ADCY9: variants seen among roughly 807,000 people sequenced by gnomAD.
ADCY9 encodes adenylate cyclase type 9.
In ADCY9, 50 loss-of-function variants were observed where a neutral mutation model predicts 101.5. The ratio of observed to expected loss-of-function variants is 0.49; its 90% CI spans 0.39 to 0.62. ADCY9 has a LOEUF of 0.62. Ranked by LOEUF, ADCY9 falls within the 20% of genes least tolerant of loss-of-function variation. The pLI is 0.00. For synonymous variants in ADCY9, 905 were observed against 769.3 expected (o/e 1.18, Z -2.92); for missense variants, 1,662 against 1,800.4 (o/e 0.92, Z 1.39).
intron 3 of ADCY9, 95 bp from the exon 4 acceptor site, chr16:3,993,605 AGCATGGTGGTGAGCAAGGGGAAG>A (rs1272874835): frequency 6.7e-7 from 1 of 1,491,116 alleles, no homozygotes; most frequent in Non-Finnish European, 9.2e-7. Context: ...GCCGTCACGC[AGCATGGTGGTGAGCAAGGGGAAG>A]GCACACAGAA....
At chr16:4,028,415 C>A (rs1195822981) in intron 2 of ADCY9, among the ~76,000 whole-genome samples, 1 of 152,148 alleles carries the variant, frequency 6.6e-6, no homozygotes, top group Non-Finnish European at 1.5e-5. Flanking sequence ...GAATTTAACT[C>A]ACGAAAAAGG....
intron 2 of ADCY9, among the ~76,000 whole-genome samples, chr16:4,017,849 G>A (rs1313425387): frequency 6.6e-6 from 1 of 152,124 alleles, no homozygotes. Flanking sequence ...TCTCACTATT[G>A]TAGTCCAACC....
chr16:4,084,547 G>GGCC (rs1446836798), intron 2 of ADCY9, among the ~76,000 whole-genome samples: 2 of 152,022 alleles, frequency 1.3e-5, no homozygotes, highest in African/African-American at 4.8e-5. Flanking sequence ...ACAACACAGT[G>GGCC]AGACCCCATC....
chr16:3,954,472 C>T (rs993783955), intron 5 of ADCY9, among the ~76,000 whole-genome samples: 3 of 152,152 alleles, frequency 2.0e-5, no homozygotes, highest in African/African-American at 4.8e-5. Flanking sequence ...ACTCCCAGCT[C>T]GCAGCTCGGG....
intron 2 of ADCY9, among the ~76,000 whole-genome samples, chr16:4,097,024 T>C (rs945574136): frequency 4.6e-5 from 7 of 152,082 alleles, no homozygotes; most frequent in African/African-American, 1.7e-4. Context: ...CAAATAAGAA[T>C]TACCAGGAGC....
chr16:4,004,791 A>G (rs1003111062), intron 3 of ADCY9, among the ~76,000 whole-genome samples: 1 of 152,218 alleles, frequency 6.6e-6, no homozygotes, highest in Non-Finnish European at 1.5e-5. Context: ...GAACAGCGTT[A>G]TCAGCTGCGG....
intron 2 of ADCY9, among the ~76,000 whole-genome samples, chr16:4,042,950 G>A (rs867709494): frequency 6.6e-6 from 1 of 152,176 alleles, no homozygotes; most frequent in South Asian, 2.1e-4. Context: ...ATTAAAACTC[G>A]GCCGGGCGCA....
intron 2 of ADCY9, among the ~76,000 whole-genome samples, chr16:4,046,077 C>A (rs1036209097): frequency 1.3e-5 from 2 of 151,976 alleles, no homozygotes; most frequent in Admixed American, 6.6e-5. Context: ...CCTCCAAATC[C>A]TGGGCTCAAG....
intron 2 of ADCY9, among the ~76,000 whole-genome samples, chr16:4,077,344 G>C (rs2056874205): frequency 6.6e-6 from 1 of 152,266 alleles, no homozygotes; most frequent in South Asian, 2.1e-4. Flanking sequence ...TTTTCAGGTG[G>C]TCTTTCTGGC....
chr16:4,022,193 G>A (rs1467347641), intron 2 of ADCY9, among the ~76,000 whole-genome samples: 8 of 152,120 alleles, frequency 5.3e-5, no homozygotes, highest in African/African-American at 1.9e-4. Context: ...CCTGAGGACA[G>A]GTTAAAGACT....
At chr16:4,080,678 T>C (rs1339167182) in intron 2 of ADCY9, among the ~76,000 whole-genome samples, 1 of 151,610 alleles carries the variant, frequency 6.6e-6, no homozygotes, top group Non-Finnish European at 1.5e-5. Flanking sequence ...TTCAGAATCA[T>C]GACGGCGTTC....
intron 2 of ADCY9, among the ~76,000 whole-genome samples, chr16:4,080,296 T>G (rs1236863787): frequency 6.6e-6 from 1 of 152,196 alleles, no homozygotes; most frequent in Non-Finnish European, 1.5e-5. Flanking sequence ...CAGGCTCTAG[T>G]GCAGTGGCAT....
chr16:4,114,685 G>C lies in ADCY9; in HGVS notation c.758C>G (p.Ser253Cys). 1 of 1,613,212 alleles carries C rather than the reference G, an allele frequency of 6.2e-7. No homozygotes were observed. Among genetic ancestry groups the C allele is most frequent in the Non-Finnish European group, 8.5e-7 (1 of 1,180,042 alleles). Residue 253 changes from serine (S) to cysteine (C), a missense_variant, in exon 2 of 11, where the codon TCT becomes TGT. Coordinates refer to ENST00000294016, the MANE Select transcript of ADCY9 (RefSeq NM_001116.4). The surrounding 1 kb of genome is among the most constrained non-coding windows in gnomAD (Gnocchi z 4.3). Reference protein sequence around the residue: ...YLSLCLGVAYSVLFETFGYHF... With the variant: ...YLSLCLGVAYCVLFETFGYHF... ...GTAGCCAAAGGTCTCGAAAAGGACAGAGTAGGCCACCCCCAGACACAAACT... is the reference window on the plus strand; with the variant it reads ...GTAGCCAAAGGTCTCGAAAAGGACACAGTAGGCCACCCCCAGACACAAACT...
intron 2 of ADCY9, among the ~76,000 whole-genome samples, chr16:4,056,848 C>T (rs2056741485): frequency 6.6e-6 from 1 of 152,102 alleles, no homozygotes; most frequent in Admixed American, 6.6e-5. Context: ...ACAAGGCGGC[C>T]ACACCCAGGT....
rs115873633 is a variant in ADCY9, at chr16:4,022,142, C to G, written c.1694-14584G>C. Among the ~76,000 whole-genome samples, 1,289 of 152,306 alleles carry G rather than the reference C, an allele frequency of 8.5e-3. 25 individuals carry two copies. The highest frequency in any genetic ancestry group is 0.029 in the African/African-American group (1,223 of 41,568). On this transcript the variant is annotated intron_variant, in intron 2 of 10. Coordinates refer to ENST00000294016, the MANE Select transcript of ADCY9 (RefSeq NM_001116.4). ...TGCTTCAAAGGTGGCCACCAGGGCC[C>G]ATCCCCCTTTCCATGCTTCTCCCTG...
chr16:4,109,975 G>A (rs1407219318), intron 2 of ADCY9, among the ~76,000 whole-genome samples: 2 of 152,074 alleles, frequency 1.3e-5, no homozygotes, highest in Non-Finnish European at 2.9e-5. Context: ...CCCCCACAGA[G>A]AAGCACAGGG....
intron 2 of ADCY9, among the ~76,000 whole-genome samples, chr16:4,103,544 G>C (rs1433191407): frequency 1.3e-5 from 2 of 152,056 alleles, no homozygotes; most frequent in Non-Finnish European, 2.9e-5. Flanking sequence ...GAATGTCCCT[G>C]ATGGGCCGGG....
intron 8 of ADCY9, among the ~76,000 whole-genome samples, chr16:3,978,457 A>G (rs1448898553): frequency 6.6e-6 from 1 of 152,218 alleles, no homozygotes; most frequent in East Asian, 1.9e-4. Context: ...GCACAAGTCA[A>G]TTCTGTGTGC....
At chr16:4,110,942 C>T (rs2057110001) in intron 2 of ADCY9, among the ~76,000 whole-genome samples, 2 of 152,332 alleles carry the variant, frequency 1.3e-5, no homozygotes, top group South Asian at 2.1e-4. Flanking sequence ...CCTCTGGAGT[C>T]GAGTCCCACC....
Sources: allele counts gnomAD v4.1 joint callset (sites outside exome capture counted in the v4.1 genomes callset), GRCh38; gene constraint gnomAD v4.1.1; non-coding constraint Gnocchi (gnomAD v3.1); transcripts MANE v1.5; gene names NCBI Gene and HGNC (gene_info 2026-07-23, HGNC 2026-07-21).